IQCH: variants seen among roughly 807,000 people sequenced by gnomAD.
IQCH encodes IQ motif containing H.
Under a neutral mutation model 117.0 loss-of-function variants are expected in IQCH, and 98 were observed. The observed-to-expected ratio is 0.84, with a 90% CI of 0.71 to 0.99. The LOEUF (loss-of-function observed/expected upper bound fraction) is 0.99. Ranked by LOEUF, IQCH falls within the 50% of genes least tolerant of loss-of-function variation. The pLI, the probability that IQCH is intolerant of heterozygous loss-of-function variation, is 0.00. For synonymous variants in IQCH, 412 were observed against 448.2 expected, an observed-to-expected ratio of 0.92 and a Z score of 1.02; for missense variants, 1,102 against 1,243.8, an observed-to-expected ratio of 0.89 and a Z score of 1.72.
chr15:67,380,328 C>G (rs1214597409), intron 10 of IQCH, among the ~76,000 whole-genome samples: 1 of 152,150 alleles, frequency 6.6e-6, no homozygotes, highest in African/African-American at 2.4e-5. Context: ...AATGTATTTC[C>G]ATGTTTTCTA....
intron 16 of IQCH, among the ~76,000 whole-genome samples, chr15:67,452,026 T>A (rs372464213): frequency 6.6e-6 from 1 of 152,274 alleles, no homozygotes; most frequent in East Asian, 1.9e-4. Context: ...AGTCTGTTTT[T>A]TCAGAGACTA....
At chr15:67,338,304 A>C (rs984186506) in intron 5 of IQCH, among the ~76,000 whole-genome samples, 51 of 152,148 alleles carry the variant, frequency 3.4e-4, no homozygotes, top group Non-Finnish European at 8.8e-5. Context: ...ATAAAAGTAA[A>C]TGTAGAATTT....
At chr15:67,283,458 A>G (rs929328794) in intron 4 of IQCH, among the ~76,000 whole-genome samples, 2 of 152,170 alleles carry the variant, frequency 1.3e-5, no homozygotes, top group African/African-American at 4.8e-5. Context: ...AATTATTCAC[A>G]TAAAATATAT....
chr15:67,372,352 A>G lies in IQCH; in HGVS notation c.995A>G (p.Glu332Gly), dbSNP rs1488918225. The change falls in exon 9 of 21, where the codon GAG (glutamate) becomes GGG (glycine). Residue 332 changes from glutamate (E) to glycine (G), a missense_variant. Coordinates refer to ENST00000335894, the MANE Select transcript of IQCH (RefSeq NM_001031715.3). ...TTGGTGGCCCTCCTTCCAGAGTTTGAGCTGACGAATAAACTTACCAGATAT... is the reference window on the plus strand; with the variant it reads ...TTGGTGGCCCTCCTTCCAGAGTTTGGGCTGACGAATAAACTTACCAGATAT... The part of the protein sequence containing the change: ...NNLVALLPEF[E>G]LTNKLTRYDL... 1 of 1,613,982 alleles carries G rather than the reference A, an allele frequency of 6.2e-7. No individual in the cohort carries two copies. Among genetic ancestry groups the G allele is most frequent in the African/African-American group, 1.3e-5 (1 of 74,918 alleles).
At chr15:67,440,941 G>A (rs992819136) in intron 16 of IQCH, among the ~76,000 whole-genome samples, 6 of 152,096 alleles carry the variant, frequency 3.9e-5, no homozygotes, top group African/African-American at 1.4e-4. Flanking sequence ...GTTTGCTGAC[G>A]ATATAATCAT....
intron 4 of IQCH, among the ~76,000 whole-genome samples, chr15:67,296,587 T>A (rs770786464): frequency 1.3e-5 from 2 of 151,838 alleles, no homozygotes; most frequent in Non-Finnish European, 2.9e-5. Flanking sequence ...ATTAAGGAGG[T>A]CTGTGTAATA....
chr15:67,267,000 C>A (rs977044793), intron 3 of IQCH, among the ~76,000 whole-genome samples: 45 of 152,142 alleles, frequency 3.0e-4, no homozygotes, highest in African/African-American at 1.1e-3. Context: ...ATTCATAAAC[C>A]CACTGCATGA....
chr15:67,469,357 C>G (rs2083013937), intron 17 of IQCH, among the ~76,000 whole-genome samples: 1 of 152,190 alleles, frequency 6.6e-6, no homozygotes, highest in African/African-American at 2.4e-5. Context: ...GAAAGGGACT[C>G]TGCACCAAGC....
chr15:67,319,480 A>G (rs1968010990), intron 4 of IQCH, among the ~76,000 whole-genome samples: 1 of 152,216 alleles, frequency 6.6e-6, no homozygotes, highest in Non-Finnish European at 1.5e-5. Flanking sequence ...TTCTGATCGA[A>G]GTCTGTTTCC....
At chr15:67,373,558 G>T in intron 10 of IQCH, 125 bp downstream of exon 10, 1 of 732,486 alleles carries the variant, frequency 1.4e-6, no homozygotes, top group South Asian at 1.4e-5. Flanking sequence ...AAATGTTCTC[G>T]ACATGATGAG....
chr15:67,261,309 C>A lies in IQCH; in HGVS notation c.89C>A (p.Thr30Lys). 1.3e-6 allele frequency: 2 copies of A among 1,570,932 alleles called. No individual in the cohort carries two copies. The highest frequency in any genetic ancestry group is 1.7e-6 in the Non-Finnish European group (2 of 1,160,360). The change falls in exon 2 of 21, where the codon ACA becomes AAA. Residue 30 changes from threonine to lysine, a missense_variant. This residue lies in a region of IQCH where 452 missense variants were observed against 449.6 expected (regional missense o/e 1.01). Coordinates refer to ENST00000335894, the MANE Select transcript of IQCH (RefSeq NM_001031715.3). ...CTTTATCAGTTAAAGGAGAAATTAA[C>A]AAAATTCTCACCTGAGGAAAAAGGA... ...EDLYQLKEKL[T>K]KFSPEEKGET...
chr15:67,389,037 A>C (rs1211430105), intron 12 of IQCH, 31 bp downstream of exon 12: 2 of 1,551,916 alleles, frequency 1.3e-6, no homozygotes, highest in South Asian at 2.3e-5. Context: ...CTATGGTTTC[A>C]GGGATGCAGT....
rs936039087 is a variant in IQCH at position 67,426,252 on chromosome 15, C to T, written c.2505+4675C>T. 5.3e-5 allele frequency among the ~76,000 whole-genome samples: 8 copies of T among 152,156 alleles called. No individual in the cohort carries two copies. The highest frequency in any genetic ancestry group is 2.6e-4 in the Admixed American group (4 of 15,270). Reference sequence around the variant, plus strand: ...TACAATACATACACACAGTTATACACACATATATGCATATAAACACACATA... The same window carrying T: ...TACAATACATACACACAGTTATACATACATATATGCATATAAACACACATA... On this transcript the variant is annotated intron_variant, in intron 16 of 20. Transcript: ENST00000335894. The surrounding 1 kb of genome is among the most constrained non-coding windows in gnomAD (Gnocchi z 5.1).
In IQCH at chr15:67,426,312, T is replaced by C. The variant is rs569189590; in HGVS notation, c.2505+4735T>C. On this transcript the variant is annotated intron_variant, in intron 16 of 20. Coordinates refer to ENST00000335894, the MANE Select transcript of IQCH (RefSeq NM_001031715.3). This position sits in a 1 kb window ranked among gnomAD's most constrained non-coding sequence, Gnocchi z 5.1. Reference sequence around the variant, plus strand: ...ACATACATCTGTGCATCTATAACTATTTCTATATCTATCAAGTGTTTATAT... The same window carrying C: ...ACATACATCTGTGCATCTATAACTACTTCTATATCTATCAAGTGTTTATAT... 1.3e-5 allele frequency among the ~76,000 whole-genome samples: 2 copies of C among 152,248 alleles called. No homozygotes were observed. Among genetic ancestry groups the C allele is most frequent in the African/African-American group, 2.4e-5 (1 of 41,466 alleles).
rs532763674 is a variant in IQCH at position 67,283,176 on chromosome 15, A to G, written c.387+3664A>G. ...CATGCTTGTTGTTGTGACAAACATA[A>G]TATGAAGATGTAAAGGCAAAGCCAG... On this transcript the variant is annotated intron_variant, in intron 4 of 20. Coordinates refer to ENST00000335894, the MANE Select transcript of IQCH (RefSeq NM_001031715.3). Among the ~76,000 whole-genome samples, 32 of 152,332 alleles carry G rather than the reference A, an allele frequency of 2.1e-4. No individual in the cohort carries two copies. The South Asian group carries it at 5.2e-3, about 25-fold the overall frequency.
intron 4 of IQCH, among the ~76,000 whole-genome samples, chr15:67,317,029 G>T (rs1361345900): frequency 6.6e-6 from 1 of 152,092 alleles, no homozygotes; most frequent in Non-Finnish European, 1.5e-5. Context: ...AGAACAAGAA[G>T]ATGAGCTAGT....
intron 16 of IQCH, among the ~76,000 whole-genome samples, chr15:67,464,879 CTCTG>C (rs2082891738): frequency 6.6e-6 from 1 of 152,228 alleles, no homozygotes; most frequent in Admixed American, 6.5e-5. Flanking sequence ...GACTCGGCAT[CTCTG>C]TCAGATTGTC....
intron 6 of IQCH, among the ~76,000 whole-genome samples, chr15:67,346,762 A>G (rs1038357614): frequency 6.6e-6 from 1 of 152,204 alleles, no homozygotes; most frequent in African/African-American, 2.4e-5. Flanking sequence ...TTTACTTCAA[A>G]TGCACATGGA....
At position 67,447,342 on chromosome 15, in the gene IQCH, T is replaced by C. The variant is rs2082412031; in HGVS notation, c.2506-17785T>C. Among the ~76,000 whole-genome samples, 1 of 152,186 alleles carries C rather than the reference T, an allele frequency of 6.6e-6. No individual in the cohort carries two copies. Among genetic ancestry groups the C allele is most frequent in the Non-Finnish European group, 1.5e-5 (1 of 68,028 alleles). ...GGCAGCTTTCTAAAGATTGCTGCCA[T>C]CCAAAAGGATGTCCTATTAGCCTGA... On this transcript the variant is annotated intron_variant, in intron 16 of 20. Coordinates refer to ENST00000335894, the MANE Select transcript of IQCH (RefSeq NM_001031715.3). The surrounding 1 kb of genome is among the most constrained non-coding windows in gnomAD (Gnocchi z 5.3).
Sources: gnomAD v4.1 joint callset for allele counts (sites outside exome capture counted in the v4.1 genomes callset) on GRCh38, gnomAD v4.1.1 for gene constraint, gnomAD v4.1.1 regional missense constraint, Gnocchi (gnomAD v3.1) non-coding constraint, MANE v1.5 for transcripts, NCBI Gene and HGNC (gene_info 2026-07-23, HGNC 2026-07-21) for gene names.